Variants in RABGAP1L observed in about 807,000 individuals in gnomAD.
RABGAP1L encodes RAB GTPase activating protein 1 like.
Under a neutral mutation model 137.7 loss-of-function variants are expected in RABGAP1L, and 63 were observed. The observed-to-expected ratio is 0.46, with a 90% confidence interval of 0.37 to 0.56. RABGAP1L has a LOEUF of 0.56. RABGAP1L is among the 20% of genes least tolerant of loss of function. The pLI, the probability that RABGAP1L is intolerant of heterozygous loss-of-function variation, is 0.00. For missense variants in RABGAP1L, 1,095 were observed against 1,244.0 expected (o/e 0.88, Z 1.80); for synonymous variants, 431 against 433.7 (o/e 0.99, Z 0.08).
At chr1:174,579,669 C>T (rs1174409133) in intron 13 of RABGAP1L, among the ~76,000 whole-genome samples, 2 of 152,156 alleles carry the variant, frequency 1.3e-5, no homozygotes, top group African/African-American at 2.4e-5. Flanking sequence ...GACCACAGGT[C>T]ACTATCTCAC....
rs1182262367 is a variant in RABGAP1L at position 174,678,654 on chromosome 1, G to A, written c.1825-4868G>A. Among the ~76,000 whole-genome samples, 3 of 152,314 alleles carry A rather than the reference G, an allele frequency of 2.0e-5. No homozygotes were observed. In the East Asian group the frequency reaches 5.8e-4, roughly 29 times the overall value. ...TTGTTCTTAGAGTTCCCAAGATGGT[G>A]GCGGGCTGCTTCCAAGATGGTGGCA... On this transcript the variant is annotated intron_variant, in intron 14 of 25. Coordinates refer to ENST00000681986, the MANE Select transcript of RABGAP1L (RefSeq NM_001366446.1).
rs1159613982 is a variant in RABGAP1L at position 174,991,282 on chromosome 1, C to T, written c.*1281C>T. ...TTATTTTATAAACTATTTTGGAGGCCTCTGATCCTTTCAAACCAACCAAAC... is the reference window on the plus strand; with the variant it reads ...TTATTTTATAAACTATTTTGGAGGCTTCTGATCCTTTCAAACCAACCAAAC... On this transcript the variant is annotated 3_prime_UTR_variant, in exon 26 of 26. Transcript: ENST00000681986. 1 of 152,106 alleles carries T rather than the reference C, an allele frequency of 6.6e-6. No homozygotes were observed. Among genetic ancestry groups the T allele is most frequent in the African/African-American group, 2.4e-5 (1 of 41,412 alleles). The allele number at this position is 152,106 out of a possible 1,614,324, so 9.4% of individuals were successfully genotyped here. A position where few individuals can be genotyped will look rare whatever the true frequency, so the allele number is the denominator to read the frequency against.
intron 13 of RABGAP1L, among the ~76,000 whole-genome samples, chr1:174,508,859 A>G (rs1053490048): frequency 6.6e-6 from 1 of 152,060 alleles, no homozygotes; most frequent in Non-Finnish European, 1.5e-5. Flanking sequence ...TGCCTATTTT[A>G]TTGTTTCTGT....
intron 19 of RABGAP1L, among the ~76,000 whole-genome samples, chr1:174,930,073 T>TC (rs1434014352): frequency 6.6e-6 from 1 of 150,990 alleles, no homozygotes; most frequent in African/African-American, 2.4e-5. Context: ...GGTCTCAAAC[T>TC]CCTGGGCTCA....
At chr1:174,260,473 T>G (rs1673491895) in intron 7 of RABGAP1L, among the ~76,000 whole-genome samples, 1 of 152,126 alleles carries the variant, frequency 6.6e-6, no homozygotes, top group African/African-American at 2.4e-5. Context: ...CATTAACAAC[T>G]AAGAGGAGAA....
intron 13 of RABGAP1L, among the ~76,000 whole-genome samples, chr1:174,464,141 C>T (rs6674239): frequency 0.35 from 53,614 of 151,978 alleles, 12,103 homozygotes; most frequent in African/African-American, 0.64. Flanking sequence ...TGGGACATAT[C>T]TTGCAGAGAG....
intron 18 of RABGAP1L, among the ~76,000 whole-genome samples, chr1:174,781,487 T>C (rs1240097572): frequency 6.6e-6 from 1 of 152,192 alleles, no homozygotes; most frequent in African/African-American, 2.4e-5. Context: ...GATGAGTAGA[T>C]TGCAAAAATT....
chr1:174,742,173 AAAG>A (rs142245382), intron 17 of RABGAP1L, among the ~76,000 whole-genome samples: 7,904 of 91,740 alleles, frequency 0.086, 1,827 homozygotes, highest in African/African-American at 0.4. Flanking sequence ...GAGGAGGAGG[AAAG>A]AAGAAGAAGA....
At chr1:174,712,236 G>A (rs960223661) in intron 17 of RABGAP1L, among the ~76,000 whole-genome samples, 11 of 152,294 alleles carry the variant, frequency 7.2e-5, no homozygotes, top group South Asian at 4.1e-4. Context: ...TGCCCGAGCA[G>A]TCACCTTCCG....
At chr1:174,333,900 T>A (rs1404126961) in intron 11 of RABGAP1L, among the ~76,000 whole-genome samples, 1 of 152,168 alleles carries the variant, frequency 6.6e-6, no homozygotes, top group Admixed American at 6.5e-5. Context: ...AGCATGAGAT[T>A]ATAATCCTGG....
intron 19 of RABGAP1L, among the ~76,000 whole-genome samples, chr1:174,877,118 G>GT (rs773126188): frequency 2.7e-5 from 4 of 149,250 alleles, no homozygotes; most frequent in Admixed American, 6.7e-5. Flanking sequence ...ACACAAATCA[G>GT]TTTTTTTTGT....
chr1:174,418,266 G>C (rs1460542594), intron 13 of RABGAP1L, among the ~76,000 whole-genome samples: 1 of 152,146 alleles, frequency 6.6e-6, no homozygotes, highest in Non-Finnish European at 1.5e-5. Flanking sequence ...AACACGTCTT[G>C]TTCAGTTTCA....
chr1:174,259,054 G>A (rs1323760480), intron 7 of RABGAP1L, among the ~76,000 whole-genome samples: 2 of 151,380 alleles, frequency 1.3e-5, no homozygotes, highest in African/African-American at 4.9e-5. Flanking sequence ...CTCCCAAAGT[G>A]CTGGGATTAC....
At position 174,800,269 on chromosome 1, in the gene RABGAP1L, C is replaced by T. The variant is rs865948797; in HGVS notation, c.2212-11563C>T. On this transcript the variant is annotated intron_variant, in intron 18 of 25. Coordinates refer to ENST00000681986, the MANE Select transcript of RABGAP1L (RefSeq NM_001366446.1). ...GACCTAAACCTGGCTCCCCTCCCAC[C>T]GCAGTTCTTAATATTGTGGATAAGA... is the stretch of plus-strand genomic sequence containing the variant. 56 of 1,483,436 alleles carry T rather than the reference C, an allele frequency of 3.8e-5. No homozygotes were observed. The African/African-American group carries it at 4.1e-4, about 11-fold the overall frequency. The allele number at this position is 1,483,436 out of a possible 1,614,324, so 91.9% of individuals were successfully genotyped here. A position where few individuals can be genotyped will look rare whatever the true frequency, so the allele number is the denominator to read the frequency against.
intron 13 of RABGAP1L, among the ~76,000 whole-genome samples, chr1:174,618,930 C>A (rs185440759): frequency 6.6e-6 from 1 of 152,196 alleles, no homozygotes; most frequent in African/African-American, 2.4e-5. Context: ...ATAACCAATA[C>A]AGAGAAGTGC....
chr1:174,940,106 C>G (rs1362994097), intron 19 of RABGAP1L, among the ~76,000 whole-genome samples: 1 of 152,170 alleles, frequency 6.6e-6, no homozygotes, highest in Non-Finnish European at 1.5e-5. Context: ...GTGATTATTA[C>G]ATGAGTGACA....
At chr1:174,814,487 A>T (rs1690179125) in intron 19 of RABGAP1L, among the ~76,000 whole-genome samples, 1 of 152,140 alleles carries the variant, frequency 6.6e-6, no homozygotes, top group Non-Finnish European at 1.5e-5. Flanking sequence ...GGAAGACATA[A>T]GTCATCCAGT....
chr1:174,877,377 C>T (rs1274020845), intron 19 of RABGAP1L: 1 of 1,509,244 alleles, frequency 6.6e-7, no homozygotes, highest in Non-Finnish European at 8.9e-7. Context: ...TGACACTCCA[C>T]CCCCTCGAAC....
At chr1:174,403,948 AAT>A in intron 13 of RABGAP1L, among the ~76,000 whole-genome samples, 1 of 152,102 alleles carries the variant, frequency 6.6e-6, no homozygotes, top group South Asian at 2.1e-4. Flanking sequence ...ATCACTCCTA[AAT>A]ACTGTGTTAT....
Sources: gnomAD v4.1 joint callset for allele counts (sites outside exome capture counted in the v4.1 genomes callset) on GRCh38, gnomAD v4.1.1 for gene constraint, MANE v1.5 for transcripts, NCBI Gene and HGNC (gene_info 2026-07-23, HGNC 2026-07-21) for gene names.